Variants in CDH18 observed in about 807,000 individuals in gnomAD.
CDH18 encodes cadherin 18, also known as cadherin-18.
A neutral mutation model predicts 67.9 loss-of-function variants in CDH18; 31 were observed. That is an observed-to-expected ratio of 0.46 (90% CI 0.34 to 0.62). The LOEUF (loss-of-function observed/expected upper bound fraction) is 0.62, where lower values mean the gene tolerates loss of function less well. CDH18 is among the 20% of genes least tolerant of loss of function. CDH18 has a pLI of 0.01. For synonymous variants in CDH18, 362 were observed against 347.2 expected (o/e 1.04, Z -0.48); for missense variants, 890 against 975.5 (o/e 0.91, Z 1.17).
intron 2 of CDH18, among the ~76,000 whole-genome samples, chr5:20,166,788 A>G (rs1736329911): frequency 6.6e-6 from 1 of 152,122 alleles, no homozygotes; most frequent in Non-Finnish European, 1.5e-5. Flanking sequence ...TTCTTTATGC[A>G]AGCCTTCTGC....
intron 2 of CDH18, among the ~76,000 whole-genome samples, chr5:20,237,532 C>T (rs1317583664): frequency 1.3e-5 from 2 of 151,724 alleles, no homozygotes; most frequent in Admixed American, 1.3e-4. Context: ...TCAACAAAGA[C>T]TCAGAACACA....
chr5:20,047,886 G>GT, intron 2 of CDH18, among the ~76,000 whole-genome samples: 1 of 151,664 alleles, frequency 6.6e-6, no homozygotes, highest in Non-Finnish European at 1.5e-5. Context: ...TCAAATGCAG[G>GT]TTAGGGCACT....
chr5:20,305,624 A>T, intron 1 of CDH18: 2 of 458,690 alleles, frequency 4.4e-6, no homozygotes, highest in East Asian at 4.7e-5. Flanking sequence ...GCAAACCCAG[A>T]GACTCAAACG....
chr5:20,572,584 T>C (rs1187880781), intron 1 of CDH18, among the ~76,000 whole-genome samples: 4 of 152,152 alleles, frequency 2.6e-5, no homozygotes, highest in African/African-American at 7.2e-5. Context: ...AAATGTTTCT[T>C]TGTGTGGGGA....
rs1737761884 is a variant in CDH18, at chr5:19,472,787, A to C, written c.*439T>G. 6.6e-6 allele frequency among the ~76,000 whole-genome samples: 1 copy of C among 152,152 alleles called. No individual in the cohort carries two copies. On this transcript the variant is annotated 3_prime_UTR_variant, in exon 13 of 13. Coordinates refer to ENST00000382275, the MANE Select transcript of CDH18 (RefSeq NM_004934.5). ...TCTCAAGGTTTCACCCAGAAAAGTG[A>C]TAAAAGAGGTTGTGATTACCTTCAC...
chr5:19,596,804 T>C (rs1459675926), intron 6 of CDH18, among the ~76,000 whole-genome samples: 1 of 152,210 alleles, frequency 6.6e-6, no homozygotes, highest in Non-Finnish European at 1.5e-5. Context: ...CCATTCACTA[T>C]GTCCCATTAA....
At chr5:20,097,707 A>AT (rs1746111168) in intron 2 of CDH18, among the ~76,000 whole-genome samples, 1 of 152,188 alleles carries the variant, frequency 6.6e-6, no homozygotes, top group South Asian at 2.1e-4. Context: ...TGATCTGATT[A>AT]AGATGGATTT....
At position 19,743,495 on chromosome 5, in the gene CDH18, CACAG is replaced by C. The variant is rs561553578; in HGVS notation, c.523+3443_523+3446del. ...TCTGCCATTGCCGTGCCAAAACTAC[CACAG>C]ACAATCTTCAAGTAAAGGAGTGTAA... On this transcript the variant is annotated intron_variant, in intron 4 of 12. Transcript: ENST00000382275. Among the ~76,000 whole-genome samples, 337 of 152,254 alleles carry C rather than the reference CACAG, an allele frequency of 2.2e-3. 3 individuals carry two copies. Among genetic ancestry groups the C allele is most frequent in the African/African-American group, 7.3e-3 (305 of 41,538 alleles).
At chr5:20,276,214 G>A (rs972652154) in intron 1 of CDH18, among the ~76,000 whole-genome samples, 1 of 152,220 alleles carries the variant, frequency 6.6e-6, no homozygotes. Context: ...GGGTGACCAA[G>A]TGAGTACTTG....
intron 1 of CDH18, among the ~76,000 whole-genome samples, chr5:20,426,331 C>T (rs1748297332): frequency 6.6e-6 from 1 of 151,092 alleles, no homozygotes; most frequent in Non-Finnish European, 1.5e-5. Flanking sequence ...GGAAAAGACA[C>T]TTTATGAGTG....
intron 1 of CDH18, among the ~76,000 whole-genome samples, chr5:20,296,730 G>T (rs1281568435): frequency 6.6e-6 from 1 of 151,476 alleles, no homozygotes; most frequent in African/African-American, 2.4e-5. Context: ...AATATTAAAT[G>T]TAATTAAAAT....
At chr5:19,604,993 G>A (rs1413960732) in intron 6 of CDH18, among the ~76,000 whole-genome samples, 3 of 151,806 alleles carry the variant, frequency 2.0e-5, no homozygotes, top group South Asian at 2.1e-4. Flanking sequence ...CTTTGAAGGT[G>A]TGCAAATTGA....
intron 2 of CDH18, among the ~76,000 whole-genome samples, chr5:20,139,968 G>T (rs1281096361): frequency 2.0e-5 from 3 of 152,130 alleles, no homozygotes; most frequent in Non-Finnish European, 4.4e-5. Context: ...CCATTACTGG[G>T]TATATACCCA....
chr5:19,692,771 T>C (rs543614162), intron 5 of CDH18, among the ~76,000 whole-genome samples: 45 of 151,904 alleles, frequency 3.0e-4, no homozygotes, highest in African/African-American at 1.1e-3. Context: ...AACTCTTATA[T>C]ACTCTTAGTT....
At chr5:20,010,981 A>T (rs1737387812) in intron 2 of CDH18, among the ~76,000 whole-genome samples, 1 of 152,142 alleles carries the variant, frequency 6.6e-6, no homozygotes, top group African/African-American at 2.4e-5. Context: ...TGAAATAATG[A>T]TCTCTTTATC....
chr5:20,459,068 C>T (rs768320269), intron 1 of CDH18, among the ~76,000 whole-genome samples: 9 of 152,148 alleles, frequency 5.9e-5, no homozygotes, highest in Non-Finnish European at 8.8e-5. Flanking sequence ...GACCCTGTCA[C>T]GTGTATGCAT....
intron 2 of CDH18, among the ~76,000 whole-genome samples, chr5:20,217,345 A>T (rs1740862396): frequency 6.6e-6 from 1 of 151,924 alleles, no homozygotes; most frequent in African/African-American, 2.4e-5. Flanking sequence ...ATACAATGAG[A>T]TACAACAGAA....
At chr5:19,921,297 C>T (rs1792430451) in intron 2 of CDH18, among the ~76,000 whole-genome samples, 2 of 152,070 alleles carry the variant, frequency 1.3e-5, no homozygotes, top group Non-Finnish European at 2.9e-5. Context: ...TTTGGGAGGC[C>T]AAGGCGGGCG....
At chr5:19,642,848 G>A (rs752086795) in intron 5 of CDH18, among the ~76,000 whole-genome samples, 14 of 151,976 alleles carry the variant, frequency 9.2e-5, no homozygotes, top group Non-Finnish European at 1.5e-4. Flanking sequence ...TTAACAATTT[G>A]CTGCAAATAA....
Sources: gnomAD v4.1 joint callset for allele counts (sites outside exome capture counted in the v4.1 genomes callset) on GRCh38, gnomAD v4.1.1 for gene constraint, MANE v1.5 for transcripts, NCBI Gene and HGNC (gene_info 2026-07-23, HGNC 2026-07-21) for gene names.